Variants in FSD1L observed in about 807,000 individuals in gnomAD.
FSD1L encodes the protein fibronectin type III and SPRY domain containing 1 like, also known as FSD1-like protein.
In FSD1L, 45 loss-of-function variants were observed where a neutral mutation model predicts 71.6. That is an observed-to-expected ratio of 0.63 (90% CI 0.49 to 0.81). FSD1L has a LOEUF of 0.81. Ranked by LOEUF, FSD1L falls within the 30% of genes least tolerant of loss-of-function variation. The pLI, the probability that FSD1L is intolerant of heterozygous loss-of-function variation, is 0.00. For synonymous variants in FSD1L, 197 were observed against 207.2 expected, an observed-to-expected ratio of 0.95 and a Z score of 0.42; for missense variants, 561 against 618.1, an observed-to-expected ratio of 0.91 and a Z score of 0.98.
chr9:105,509,258 T>C (rs1355041004), intron 9 of FSD1L, among the ~76,000 whole-genome samples: 1 of 152,230 alleles, frequency 6.6e-6, no homozygotes, highest in East Asian at 1.9e-4. Context: ...ATATATTAAA[T>C]GACTTTCCCA....
chr9:105,534,129 A>G (rs1264296353), intron 10 of FSD1L, among the ~76,000 whole-genome samples: 2 of 152,232 alleles, frequency 1.3e-5, no homozygotes, highest in Non-Finnish European at 2.9e-5. Flanking sequence ...TTTTGCCTTC[A>G]TTTAACTGCA....
intron 10 of FSD1L, chr9:105,524,356 C>T: frequency 1.9e-6 from 3 of 1,613,958 alleles, no homozygotes; most frequent in Non-Finnish European, 1.7e-6. Context: ...CTAATAGCTA[C>T]CATCACCCAT....
chr9:105,448,261 C>A, intron 1 of FSD1L, 26 bp downstream of exon 1: 1 of 1,526,120 alleles, frequency 6.6e-7, no homozygotes, highest in Non-Finnish European at 8.8e-7. Context: ...GAGCCCGGGG[C>A]TACCGAGACA....
rs552213327 is a variant in FSD1L at position 105,489,859 on chromosome 9, A to G, written c.586+5357A>G. ...CTCATCATTTTTATGGCTGCGTAGT[A>G]TTCCATGGTGTATATGTGCTACGTT... On this transcript the variant is annotated intron_variant, in intron 7 of 13. Coordinates refer to ENST00000481272, the MANE Select transcript of FSD1L (RefSeq NM_001145313.3). 7.5e-4 allele frequency among the ~76,000 whole-genome samples: 115 copies of G among 152,326 alleles called. 1 individual carries two copies. The highest frequency in any genetic ancestry group is 2.7e-3 in the African/African-American group (114 of 41,562).
rs115727831 is a variant in FSD1L, at chr9:105,530,859, A to G, written c.1026-3634A>G. 7.6e-3 allele frequency: 2,879 copies of G among 378,308 alleles called. 97 individuals are homozygous for G. Among genetic ancestry groups the G allele is most frequent in the African/African-American group, 0.054 (2,595 of 47,698 alleles). The allele number at this position is 378,308 out of a possible 1,614,324, so 23.4% of individuals were successfully genotyped here. ...ATACAGGTGTTCCTTAATTGATAGTATCACATACTCTACTCAGCTGAGCTC... is the reference window on the plus strand; with the variant it reads ...ATACAGGTGTTCCTTAATTGATAGTGTCACATACTCTACTCAGCTGAGCTC... On this transcript the variant is annotated intron_variant, in intron 10 of 13. Transcript: ENST00000481272.
intron 7 of FSD1L, among the ~76,000 whole-genome samples, chr9:105,501,865 G>T (rs1178303644): frequency 6.6e-6 from 1 of 152,138 alleles, no homozygotes; most frequent in East Asian, 1.9e-4. Context: ...ACTTTTCAGA[G>T]ATTCTGCCTT....
intron 10 of FSD1L, among the ~76,000 whole-genome samples, chr9:105,513,296 A>G (rs1358414918): frequency 6.6e-6 from 1 of 152,180 alleles, no homozygotes; most frequent in African/African-American, 2.4e-5. Flanking sequence ...ACTAAATGAC[A>G]GCGTTTAATA....
intron 7 of FSD1L, among the ~76,000 whole-genome samples, chr9:105,506,163 A>C (rs1834039544): frequency 6.6e-6 from 1 of 152,226 alleles, no homozygotes; most frequent in South Asian, 2.1e-4. Context: ...TCAATTAAAA[A>C]TATAATGTGT....
chr9:105,448,378 C>G, intron 1 of FSD1L, 143 bp downstream of exon 1: 1 of 734,426 alleles, frequency 1.4e-6, no homozygotes, highest in East Asian at 3.6e-5. Context: ...GCAAGGCCGC[C>G]CGGCCGCTCT....
chr9:105,473,503 G>A (rs1227759455), intron 5 of FSD1L, among the ~76,000 whole-genome samples: 1 of 152,104 alleles, frequency 6.6e-6, no homozygotes, highest in Admixed American at 6.5e-5. Flanking sequence ...GTTGACTGTT[G>A]TACTTGATAC....
intron 10 of FSD1L, chr9:105,521,963 A>G: frequency 1.2e-6 from 2 of 1,612,980 alleles, no homozygotes; most frequent in Non-Finnish European, 1.7e-6. Context: ...ACATGGTTGT[A>G]CAAGTATCAA....
chr9:105,530,931 A>G (rs1225217926), intron 10 of FSD1L: 3 of 193,940 alleles, frequency 1.5e-5, no homozygotes, highest in Non-Finnish European at 2.1e-5. Context: ...GGATACAGAG[A>G]TGAGATGTGG....
Position 105,512,743 on chromosome 9 carries a change from CTG to C in FSD1L, c.896-60_896-59del. 4 of 877,526 alleles carry C rather than the reference CTG, an allele frequency of 4.6e-6. No homozygotes were observed. In the South Asian group the frequency reaches 1.0e-4, roughly 22 times the overall value. The allele number at this position is 877,526 out of a possible 1,614,324, so 54.4% of individuals were successfully genotyped here. On this transcript the variant is annotated intron_variant, in intron 9 of 13. Coordinates refer to ENST00000481272, the MANE Select transcript of FSD1L (RefSeq NM_001145313.3). ...GAGTAGGAAAATAATGTGGTGATAG[CTG>C]TGTTTCAGAAAGTGGAGATATGCTA...
intron 7 of FSD1L, among the ~76,000 whole-genome samples, chr9:105,486,404 G>A (rs1418249962): frequency 1.3e-5 from 2 of 152,086 alleles, no homozygotes; most frequent in East Asian, 1.9e-4. Context: ...TTTTAGTTTT[G>A]AAAATTTGAG....
intron 3 of FSD1L, among the ~76,000 whole-genome samples, chr9:105,467,810 C>G (rs774832991): frequency 3.3e-5 from 5 of 152,162 alleles, no homozygotes; most frequent in Non-Finnish European, 7.3e-5. Context: ...GAATACCTCA[C>G]CAGTGATTCT....
chr9:105,495,969 TAAAA>T (rs753244834), intron 7 of FSD1L, among the ~76,000 whole-genome samples: 5 of 135,022 alleles, frequency 3.7e-5, no homozygotes, highest in Non-Finnish European at 4.8e-5. Context: ...AGACTCCATC[TAAAA>T]AAAAAAAAAA....
rs113938167 is a variant in FSD1L, at chr9:105,529,299, C to A, written c.1026-5194C>A. Among the ~76,000 whole-genome samples, 1,400 of 152,170 alleles carry A rather than the reference C, an allele frequency of 9.2e-3. 22 individuals are homozygous for A. Among genetic ancestry groups the A allele is most frequent in the African/African-American group, 0.032 (1,341 of 41,532 alleles). On this transcript the variant is annotated intron_variant, in intron 10 of 13. Coordinates refer to ENST00000481272, the MANE Select transcript of FSD1L (RefSeq NM_001145313.3). ...TATATACCCAAAGGATTTATAAATC[C>A]TTCTACTATAAAGTCACATGCACAC...
intron 6 of FSD1L, among the ~76,000 whole-genome samples, chr9:105,482,129 T>C (rs370443279): frequency 6.6e-6 from 1 of 152,158 alleles, no homozygotes; most frequent in Non-Finnish European, 1.5e-5. Flanking sequence ...ATGTGTAACA[T>C]ATCTGAGCAA....
rs76988161 is a variant in FSD1L at position 105,534,232 on chromosome 9, C to A, written c.1026-261C>A. ...TTTTAGCATTGTTTCTTATTTCAGC[C>A]GTGTATTCTTTGTATAAGCCTTGCT... On this transcript the variant is annotated intron_variant, in intron 10 of 13. Transcript: ENST00000481272. 3.3e-5 allele frequency among the ~76,000 whole-genome samples: 5 copies of A among 151,882 alleles called. No homozygotes were observed. In the South Asian group the frequency reaches 1.0e-3, roughly 32 times the overall value.
Sources: gnomAD v4.1 joint callset for allele counts (sites outside exome capture counted in the v4.1 genomes callset) on GRCh38, gnomAD v4.1.1 for gene constraint, MANE v1.5 for transcripts, NCBI Gene and HGNC (gene_info 2026-07-23, HGNC 2026-07-21) for gene names.